Variants in KIAA1549 observed in about 807,000 individuals in gnomAD.
The protein encoded by KIAA1549 is KIAA1549.
In KIAA1549, 70 loss-of-function variants were observed where a neutral mutation model predicts 156.4. The ratio of observed to expected loss-of-function variants is 0.45; its 90% CI spans 0.37 to 0.55. The LOEUF is 0.55. Among genes scored for constraint, KIAA1549 ranks in the 20% least tolerant of loss-of-function variants. KIAA1549 has a pLI of 0.00. For synonymous variants in KIAA1549, 1,103 were observed against 1,066.4 expected, an observed-to-expected ratio of 1.03 and a Z score of -0.67; for missense variants, 2,428 against 2,540.9, an observed-to-expected ratio of 0.96 and a Z score of 0.96.
chr7:138,972,161 G>A (rs1490304987), intron 1 of KIAA1549, among the ~76,000 whole-genome samples: 1 of 152,062 alleles, frequency 6.6e-6, no homozygotes, highest in South Asian at 2.1e-4. Context: ...CTCACTGAGG[G>A]GCTGGTGCCT....
intron 19 of KIAA1549, among the ~76,000 whole-genome samples, chr7:138,839,778 C>CTTTTTTTTTTTT (rs763327649): frequency 4.9e-5 from 3 of 61,362 alleles, no homozygotes; most frequent in African/African-American, 6.5e-5. Flanking sequence ...GGGATTATGT[C>CTTTTTTTTTTTT]TTTTTTTTTT....
chr7:138,878,482 C>T (rs1036552944), intron 12 of KIAA1549, among the ~76,000 whole-genome samples: 25 of 152,160 alleles, frequency 1.6e-4, no homozygotes, highest in Non-Finnish European at 3.4e-4. Flanking sequence ...ATATCCTGGC[C>T]GGGCGTGGTG....
chr7:138,894,562 T>G, intron 9 of KIAA1549, 36 bp from the exon 10 acceptor site: 2 of 1,605,582 alleles, frequency 1.2e-6, no homozygotes, highest in Non-Finnish European at 1.7e-6. Flanking sequence ...CAATAATTCC[T>G]TCTTCACTCA....
At chr7:138,880,138 A>G (rs894559831) in intron 11 of KIAA1549, among the ~76,000 whole-genome samples, 1 of 152,248 alleles carries the variant, frequency 6.6e-6, no homozygotes, top group Non-Finnish European at 1.5e-5. Context: ...TTATATAAAA[A>G]GCAAGAGTAC....
chr7:138,884,334 C>A (rs1318196228), intron 10 of KIAA1549, among the ~76,000 whole-genome samples: 1 of 152,018 alleles, frequency 6.6e-6, no homozygotes, highest in Non-Finnish European at 1.5e-5. Context: ...CCTAAGCCCC[C>A]AACCTACTGA....
In KIAA1549 at chr7:138,844,407, C is replaced by T. The variant is rs1810012842; in HGVS notation, c.5362G>A (p.Ala1788Thr). Residue 1788 changes from alanine (A) to threonine (T), a missense_variant, in exon 18 of 20, where the codon GCC (alanine) becomes ACC (threonine). Transcript: ENST00000422774. ...GCAGCAAATGGGGCTTCGGCGGAGG[C>T]CTGTGGCTGCTGAGGGTCAGGGGGC... ...LVPPDPQQPQ[A>T]SAEAPFAARG... 2 of 1,602,716 alleles carry T rather than the reference C, an allele frequency of 1.2e-6. No homozygotes were observed. The highest frequency in any genetic ancestry group is 1.7e-6 in the Non-Finnish European group (2 of 1,174,340).
rs367582922 is a variant in KIAA1549, at chr7:138,958,383, C to T, written c.187+22700G>A. On this transcript the variant is annotated intron_variant, in intron 1 of 19. Transcript: ENST00000422774. ...CTCTCCCCAAAATCTGAATCTCAAACAGAATGATTAAAAGGCTGAAATTCA... is the reference window on the plus strand; with the variant it reads ...CTCTCCCCAAAATCTGAATCTCAAATAGAATGATTAAAAGGCTGAAATTCA... Among the ~76,000 whole-genome samples the T allele has an allele frequency of 4.3e-4, 66 of 152,320 alleles. No homozygotes were observed. The South Asian group carries it at 0.014, about 32-fold the overall frequency.
rs1814520515 is a variant in KIAA1549, at chr7:138,980,745, C to CA, written c.187+337dup. ...GATATGCCACATCATACAGCCTTGA[C>CA]AAAAAAGCACGCCGGTGCCTGCATT... On this transcript the variant is annotated intron_variant, in intron 1 of 19. Transcript: ENST00000422774. 2.0e-5 allele frequency among the ~76,000 whole-genome samples: 3 copies of CA among 152,278 alleles called. No individual in the cohort carries two copies. The South Asian group carries it at 6.2e-4, about 32-fold the overall frequency.
rs182537451 is a variant in KIAA1549, at chr7:138,936,720, G to A, written c.188-17282C>T. 5.0e-3 allele frequency among the ~76,000 whole-genome samples: 752 copies of A among 151,660 alleles called. 13 individuals carry two copies. The highest frequency in any genetic ancestry group is 0.018 in the African/African-American group (720 of 41,124). ...ACAGTGTCACTAGAGAACTAGAGAT[G>A]TGTGACCCCCCCCACCCCCACACAA... On this transcript the variant is annotated intron_variant, in intron 1 of 19. Coordinates refer to ENST00000422774, the MANE Select transcript of KIAA1549 (RefSeq NM_001164665.2).
intron 4 of KIAA1549, among the ~76,000 whole-genome samples, chr7:138,909,546 A>C (rs560440253): frequency 1.6e-4 from 24 of 152,342 alleles, no homozygotes; most frequent in African/African-American, 5.8e-4. Flanking sequence ...TGATGTTGAT[A>C]AATTTTTTTT....
intron 12 of KIAA1549, among the ~76,000 whole-genome samples, chr7:138,875,352 A>G (rs1375355199): frequency 6.6e-6 from 1 of 152,098 alleles, no homozygotes; most frequent in East Asian, 1.9e-4. Context: ...AATCTTAAAA[A>G]GAAAGAAAAA....
Position 138,918,976 on chromosome 7 carries a change from C to T in KIAA1549, c.650G>A (p.Arg217Gln), listed in dbSNP as rs374819009. The T allele has an allele frequency of 5.1e-5, 82 of 1,613,876 alleles. No homozygotes were observed. In the African/African-American group the frequency reaches 5.2e-4, roughly 10 times the overall value. ...GGACTCAGCATATGCCGCTGGTTGT[C>T]GCGTTGTGTTCTGCCAGCCCGATGT... ...EVTSGWQNTT[R>Q]QPAAYAESAS... Residue 217 changes from arginine (R) to glutamine (Q), a missense_variant, in exon 2 of 20, where the codon CGA becomes CAA. By Grantham distance (43) the Arg-to-Gln change is conservative. This residue lies in a region of KIAA1549 where 893 missense variants were observed against 847.9 expected (regional missense o/e 1.05). Coordinates refer to ENST00000422774, the MANE Select transcript of KIAA1549 (RefSeq NM_001164665.2). This position sits in a 1 kb window ranked among gnomAD's most constrained non-coding sequence, Gnocchi z 4.2.
At chr7:138,846,420 G>A (rs1178527931) in intron 17 of KIAA1549, among the ~76,000 whole-genome samples, 1 of 150,272 alleles carries the variant, frequency 6.7e-6, no homozygotes, top group Admixed American at 6.7e-5. Context: ...AAGTAATCCA[G>A]ATACTCAGGA....
chr7:138,836,127 C>A lies in KIAA1549; in HGVS notation c.*1779G>T, dbSNP rs1809699235. 4.7e-6 allele frequency: 1 copy of A among 213,042 alleles called. No individual in the cohort carries two copies. Among genetic ancestry groups the A allele is most frequent in the Non-Finnish European group, 9.5e-6 (1 of 105,428 alleles). 13.2% of individuals were successfully genotyped at this position (213,042 alleles called of 1,614,324 possible). A position where few individuals can be genotyped will look rare whatever the true frequency, so the allele number is the denominator to read the frequency against. ...ACACAGGTTTTGATCAGTCAGAGCC[C>A]CAAATTCTATAGCCCCTTATCTGTT... is the stretch of plus-strand genomic sequence containing the variant. On this transcript the variant is annotated 3_prime_UTR_variant, in exon 20 of 20. Transcript: ENST00000422774.
chr7:138,981,114 C>T lies in KIAA1549; in HGVS notation c.156G>A (p.Leu52=). 3.3e-6 allele frequency: 4 copies of T among 1,224,034 alleles called. No individual in the cohort carries two copies. The highest frequency in any genetic ancestry group is 4.1e-6 in the Non-Finnish European group (4 of 982,858). The allele number at this position is 1,224,034 out of a possible 1,614,324, so 75.8% of individuals were successfully genotyped here. A position where few individuals can be genotyped will look rare whatever the true frequency, so the allele number is the denominator to read the frequency against. Residue 52 remains leucine (L), a synonymous_variant, in exon 1 of 20, where the codon CTG becomes CTA. Transcript: ENST00000422774. The surrounding 1 kb of genome is among the most constrained non-coding windows in gnomAD (Gnocchi z 4.5). ...PGLLLPGLWL[L]LLARPASCAP... ...CGCACGAGGCCGGCCGGGCCAGCAG[C>T]AGCAGCCAGAGGCCAGGAAGCAGCA... is the stretch of plus-strand genomic sequence containing the variant.
At chr7:138,916,124 G>C (rs1812313775) in intron 2 of KIAA1549, among the ~76,000 whole-genome samples, 1 of 152,124 alleles carries the variant, frequency 6.6e-6, no homozygotes, top group Admixed American at 6.5e-5. Flanking sequence ...TAAGAGCAAA[G>C]AGTCACTTTA....
intron 1 of KIAA1549, among the ~76,000 whole-genome samples, chr7:138,955,936 C>G (rs1172032850): frequency 6.6e-6 from 1 of 152,128 alleles, no homozygotes. Flanking sequence ...TTCTGTCACC[C>G]AGGCTGGAGT....
chr7:138,924,558 G>A (rs561629448), intron 1 of KIAA1549, among the ~76,000 whole-genome samples: 5 of 152,264 alleles, frequency 3.3e-5, no homozygotes, highest in Admixed American at 2.0e-4. Context: ...GGTACGGGGA[G>A]GGCAAAGTGG....
chr7:138,878,074 G>C (rs939451053), intron 12 of KIAA1549, among the ~76,000 whole-genome samples: 1 of 152,178 alleles, frequency 6.6e-6, no homozygotes, highest in Non-Finnish European at 1.5e-5. Flanking sequence ...TTACCATGGT[G>C]CTAAATAATT....
Sources: allele counts gnomAD v4.1 joint callset (sites outside exome capture counted in the v4.1 genomes callset), GRCh38; gene constraint gnomAD v4.1.1; regional missense constraint gnomAD v4.1.1; non-coding constraint Gnocchi (gnomAD v3.1); transcripts MANE v1.5; gene names NCBI Gene and HGNC (gene_info 2026-07-23, HGNC 2026-07-21).